Variants in ZRANB3 observed in about 807,000 individuals in gnomAD.
ZRANB3 encodes the protein zinc finger RANBP2-type containing 3, also known as DNA annealing helicase and endonuclease ZRANB3.
A neutral mutation model predicts 133.8 loss-of-function variants in ZRANB3; 125 were observed. The ratio of observed to expected loss-of-function variants is 0.93; its 90% confidence interval spans 0.81 to 1.08. The LOEUF is 1.08. ZRANB3 is among the 50% of genes least tolerant of loss of function. The probability of loss-of-function intolerance (pLI) is 0.00; values close to 1 mark genes in which losing one functional copy is unlikely to be tolerated. For synonymous variants in ZRANB3, 387 were observed against 432.7 expected (o/e 0.89, Z 1.31); for missense variants, 1,229 against 1,275.5 (o/e 0.96, Z 0.56).
intron 2 of ZRANB3, among the ~76,000 whole-genome samples, chr2:135,498,286 A>G (rs1559039071): frequency 6.6e-6 from 1 of 152,176 alleles, no homozygotes; most frequent in Admixed American, 6.5e-5. Flanking sequence ...CCATGGCAGA[A>G]GAACATAAAT....
intron 2 of ZRANB3, among the ~76,000 whole-genome samples, chr2:135,401,176 G>C (rs1687713461): frequency 6.6e-6 from 1 of 151,800 alleles, no homozygotes; most frequent in Non-Finnish European, 1.5e-5. Flanking sequence ...ACATAGGGGT[G>C]CATGCACGGA....
intron 2 of ZRANB3, 164 bp downstream of exon 2, chr2:135,504,165 T>C (rs1054331450): frequency 1.3e-6 from 1 of 764,740 alleles, no homozygotes; most frequent in East Asian, 2.7e-5. Flanking sequence ...TATTTCAACA[T>C]GAAGTATAAG....
Position 135,264,872 on chromosome 2 carries a change from T to C in ZRANB3, c.1539+662A>G, listed in dbSNP as rs531311108. Among the ~76,000 whole-genome samples, 107 of 152,064 alleles carry C rather than the reference T, an allele frequency of 7.0e-4. 1 individual carries two copies. The highest frequency in any genetic ancestry group is 2.6e-3 in the African/African-American group (106 of 41,484). ...CAAGCGATTCTTGTGCCTCAGCCTC[T>C]TGAGTAGCTGGGATTACAGGCAGAC... On this transcript the variant is annotated intron_variant, in intron 12 of 20. Coordinates refer to ENST00000264159, the MANE Select transcript of ZRANB3 (RefSeq NM_032143.4).
chr2:135,213,719 A>T (rs1301856714), intron 17 of ZRANB3, among the ~76,000 whole-genome samples: 2 of 152,216 alleles, frequency 1.3e-5, no homozygotes, highest in African/African-American at 4.8e-5. Context: ...TAGTAGGCAG[A>T]ATTTTAAGAT....
intron 2 of ZRANB3, among the ~76,000 whole-genome samples, chr2:135,408,804 A>G (rs544830995): frequency 5.9e-5 from 9 of 151,616 alleles, no homozygotes; most frequent in Admixed American, 3.3e-4. Flanking sequence ...GAAGGGGAAC[A>G]TCACACACTG....
chr2:135,370,574 A>T (rs1386982755), intron 3 of ZRANB3, among the ~76,000 whole-genome samples: 1 of 152,192 alleles, frequency 6.6e-6, no homozygotes, highest in African/African-American at 2.4e-5. Context: ...TGTTGCATAC[A>T]GGAGTAAAAG....
At chr2:135,482,110 G>T in intron 2 of ZRANB3, among the ~76,000 whole-genome samples, 1 of 136,940 alleles carries the variant, frequency 7.3e-6, no homozygotes, top group Admixed American at 7.3e-5. Context: ...CTCTTTTTTG[G>T]TTCCATATGA....
At chr2:135,329,857 T>A (rs1388631598) in intron 6 of ZRANB3, among the ~76,000 whole-genome samples, 1 of 152,210 alleles carries the variant, frequency 6.6e-6, no homozygotes, top group East Asian at 1.9e-4. Flanking sequence ...TCTCTGTTTG[T>A]CTGTTTTTGG....
chr2:135,269,514 G>A (rs923441782), intron 10 of ZRANB3, among the ~76,000 whole-genome samples: 1 of 152,128 alleles, frequency 6.6e-6, no homozygotes, highest in Non-Finnish European at 1.5e-5. Flanking sequence ...ACCAGGCAGA[G>A]AGCATTTACA....
At chr2:135,517,360 T>C (rs1478087138) in intron 1 of ZRANB3, among the ~76,000 whole-genome samples, 2 of 152,074 alleles carry the variant, frequency 1.3e-5, no homozygotes, top group Non-Finnish European at 2.9e-5. Context: ...ATTCTGGTTT[T>C]GGGAATTTTC....
In ZRANB3 at chr2:135,348,931, A is replaced by G. The variant is rs138919199; in HGVS notation, c.591+1053T>C. Among the ~76,000 whole-genome samples, 706 of 152,156 alleles carry G rather than the reference A, an allele frequency of 4.6e-3. 2 individuals carry two copies. The highest frequency in any genetic ancestry group is 0.014 in the South Asian group (69 of 4,814). ...TCAGTAGGACTGAGTATCTTGAAGGATACGTTTCATGATTTTTTTTAAGTA... is the reference window on the plus strand; with the variant it reads ...TCAGTAGGACTGAGTATCTTGAAGGGTACGTTTCATGATTTTTTTTAAGTA... On this transcript the variant is annotated intron_variant, in intron 5 of 20. Coordinates refer to ENST00000264159, the MANE Select transcript of ZRANB3 (RefSeq NM_032143.4).
intron 12 of ZRANB3, among the ~76,000 whole-genome samples, chr2:135,257,868 G>A (rs181545449): frequency 6.6e-6 from 1 of 152,276 alleles, no homozygotes. Flanking sequence ...AAGCAGAAAG[G>A]CCTGGCACTT....
At chr2:135,450,706 C>T (rs941690165) in intron 2 of ZRANB3, among the ~76,000 whole-genome samples, 1 of 152,106 alleles carries the variant, frequency 6.6e-6, no homozygotes, top group Non-Finnish European at 1.5e-5. Context: ...GCCAGTGATC[C>T]TTGAAAGACA....
rs113046080 is a variant in ZRANB3 at position 135,413,965 on chromosome 2, A to C, written c.162-23145T>G. Among the ~76,000 whole-genome samples, 450 of 152,272 alleles carry C rather than the reference A, an allele frequency of 3.0e-3. 2 individuals carry two copies. Among genetic ancestry groups the C allele is most frequent in the African/African-American group, 0.01 (419 of 41,558 alleles). On this transcript the variant is annotated intron_variant, in intron 2 of 20. Coordinates refer to ENST00000264159, the MANE Select transcript of ZRANB3 (RefSeq NM_032143.4). ...AGAGCTCCTGAAGGAAGCACTAAAC[A>C]TGGAAAGGAACGAGTACCAACCGTG...
intron 1 of ZRANB3, among the ~76,000 whole-genome samples, chr2:135,513,946 A>G (rs1455200955): frequency 6.6e-6 from 1 of 152,176 alleles, no homozygotes; most frequent in African/African-American, 2.4e-5. Context: ...AGATGGTTGT[A>G]GATGTGTAGT....
intron 8 of ZRANB3, among the ~76,000 whole-genome samples, chr2:135,296,459 T>G (rs1365703947): frequency 6.6e-6 from 1 of 152,224 alleles, no homozygotes; most frequent in Non-Finnish European, 1.5e-5. Context: ...GTGCATTGGT[T>G]ATTCTAGTTA....
chr2:135,443,457 A>C (rs969345028), intron 2 of ZRANB3, among the ~76,000 whole-genome samples: 1 of 152,130 alleles, frequency 6.6e-6, no homozygotes, highest in Non-Finnish European at 1.5e-5. Context: ...GGGTGCAGCA[A>C]AACAACATGG....
At chr2:135,329,598 A>C (rs1684030931) in intron 6 of ZRANB3, among the ~76,000 whole-genome samples, 1 of 152,168 alleles carries the variant, frequency 6.6e-6, no homozygotes. Context: ...CTGTGAAGAA[A>C]GTCATTGGTA....
intron 6 of ZRANB3, 130 bp downstream of exon 6, chr2:135,345,420 A>T: frequency 1.6e-6 from 1 of 611,224 alleles, no homozygotes; most frequent in Non-Finnish European, 2.9e-6. Flanking sequence ...GTGAGCCATG[A>T]TGGTGCCACT....
Sources: gnomAD v4.1 joint callset for allele counts (sites outside exome capture counted in the v4.1 genomes callset) on GRCh38, gnomAD v4.1.1 for gene constraint, MANE v1.5 for transcripts, NCBI Gene and HGNC (gene_info 2026-07-23, HGNC 2026-07-21) for gene names.